The following SLC5A1 variants were observed in gnomAD, a reference collection of about 807,000 sequenced individuals.
The protein encoded by SLC5A1 is sodium/glucose cotransporter 1.
Under a neutral mutation model 73.5 loss-of-function variants are expected in SLC5A1, and 42 were observed. The ratio of observed to expected loss-of-function variants is 0.57; its 90% CI spans 0.45 to 0.74. SLC5A1 has a LOEUF of 0.74. Among genes scored for constraint, SLC5A1 ranks in the 30% least tolerant of loss-of-function variants. The pLI, the probability that SLC5A1 is intolerant of heterozygous loss-of-function variation, is 0.00. For synonymous variants in SLC5A1, 300 were observed against 317.4 expected (o/e 0.95, Z 0.58); for missense variants, 634 against 855.4 (o/e 0.74, Z 3.23).
At chr22:32,093,646 G>C (rs1278834991) in intron 11 of SLC5A1, among the ~76,000 whole-genome samples, 2 of 151,292 alleles carry the variant, frequency 1.3e-5, no homozygotes, top group African/African-American at 4.9e-5. Flanking sequence ...TCTCAGCTTG[G>C]TCACTGTTGA....
In SLC5A1 at chr22:32,043,984, G is replaced by A. The variant is rs2093933743; in HGVS notation, c.135+568G>A. On this transcript the variant is annotated intron_variant, in intron 1 of 14. Coordinates refer to ENST00000266088, the MANE Select transcript of SLC5A1 (RefSeq NM_000343.4). The surrounding 1 kb of genome is among the most constrained non-coding windows in gnomAD (Gnocchi z 6.5). ...AGGGGCTGGATCAAGTTAGAGATGA[G>A]AAAGATGGGTGGAAAAGGAGGAGGA... 6.6e-6 allele frequency among the ~76,000 whole-genome samples: 1 copy of A among 152,152 alleles called. No homozygotes were observed. Among genetic ancestry groups the A allele is most frequent in the Admixed American group, 6.5e-5 (1 of 15,282 alleles).
At chr22:32,050,331 G>C (rs2093943598) in intron 2 of SLC5A1, among the ~76,000 whole-genome samples, 1 of 152,188 alleles carries the variant, frequency 6.6e-6, no homozygotes, top group Non-Finnish European at 1.5e-5. Flanking sequence ...TATCACAGGG[G>C]TCAGAGGCTC....
chr22:32,055,512 A>G (rs2093950488), intron 2 of SLC5A1, among the ~76,000 whole-genome samples: 2 of 152,188 alleles, frequency 1.3e-5, no homozygotes, highest in Non-Finnish European at 2.9e-5. Flanking sequence ...TGAAAACATG[A>G]CACAGATGAG....
At chr22:32,080,403 T>G (rs1236706049) in intron 5 of SLC5A1, among the ~76,000 whole-genome samples, 1 of 152,072 alleles carries the variant, frequency 6.6e-6, no homozygotes, top group East Asian at 1.9e-4. Context: ...TGCTAACTGA[T>G]GGAGGGAGGG....
chr22:32,100,191 T>C (rs908157930), intron 12 of SLC5A1, among the ~76,000 whole-genome samples: 4 of 152,204 alleles, frequency 2.6e-5, no homozygotes, highest in African/African-American at 9.6e-5. Context: ...AGATGGAAGA[T>C]GTGGCTGGAA....
At chr22:32,048,059 T>C (rs2093939442) in intron 1 of SLC5A1, among the ~76,000 whole-genome samples, 1 of 149,136 alleles carries the variant, frequency 6.7e-6, no homozygotes, top group Non-Finnish European at 1.5e-5. Flanking sequence ...GGCTGAGGCA[T>C]GAGAATTGCT....
chr22:32,092,608 C>A (rs1280716221), intron 11 of SLC5A1, among the ~76,000 whole-genome samples: 2 of 152,254 alleles, frequency 1.3e-5, no homozygotes, highest in East Asian at 3.9e-4. Context: ...ACACCAATAT[C>A]TATTTTTTTT....
chr22:32,047,862 A>G (rs1482946960), intron 1 of SLC5A1, among the ~76,000 whole-genome samples: 1 of 152,218 alleles, frequency 6.6e-6, no homozygotes, highest in Admixed American at 6.5e-5. Context: ...GTGGTCACCT[A>G]TGAAAATGCA....
At chr22:32,109,858 A>G (rs993314861) in intron 14 of SLC5A1, 132 bp from the exon 15 acceptor site, 2 of 697,124 alleles carry the variant, frequency 2.9e-6, no homozygotes, top group African/African-American at 3.6e-5. Flanking sequence ...TATGGGGGAA[A>G]TTTGGGGAAA....
At chr22:32,102,891 A>G (rs2094038948) in intron 13 of SLC5A1, among the ~76,000 whole-genome samples, 1 of 152,210 alleles carries the variant, frequency 6.6e-6, no homozygotes. Flanking sequence ...ATGTTGTTGC[A>G]AATACAGGAT....
chr22:32,106,143 T>C (rs2094045292), intron 14 of SLC5A1, among the ~76,000 whole-genome samples: 1 of 152,188 alleles, frequency 6.6e-6, no homozygotes, highest in South Asian at 2.1e-4. Context: ...GTCTTTTTAG[T>C]TTTTTGAGGA....
intron 12 of SLC5A1, among the ~76,000 whole-genome samples, chr22:32,099,792 G>A (rs76599991): frequency 0.045 from 6,832 of 152,108 alleles, 207 homozygotes; most frequent in Non-Finnish European, 0.071. Context: ...TAGGTGAGTG[G>A]GAGAAAGTCC....
intron 5 of SLC5A1, among the ~76,000 whole-genome samples, chr22:32,072,596 A>T (rs1160718497): frequency 6.6e-6 from 1 of 152,244 alleles, no homozygotes; most frequent in Non-Finnish European, 1.5e-5. Context: ...TAAAAAATAT[A>T]ACCATTGTGC....
At chr22:32,095,608 C>CT (rs2094025016) in intron 11 of SLC5A1, among the ~76,000 whole-genome samples, 1 of 152,092 alleles carries the variant, frequency 6.6e-6, no homozygotes, top group Non-Finnish European at 1.5e-5. Context: ...TCCTCTTTGT[C>CT]TTTTTTAACT....
chr22:32,043,508 T>C lies in SLC5A1; in HGVS notation c.135+92T>C. 1 of 1,396,912 alleles carries C rather than the reference T, an allele frequency of 7.2e-7. No individual in the cohort carries two copies. The highest frequency in any genetic ancestry group is 1.0e-6 in the Non-Finnish European group (1 of 998,626). The allele number at this position is 1,396,912 out of a possible 1,614,324, so 86.5% of individuals were successfully genotyped here. On this transcript the variant is annotated intron_variant, in intron 1 of 14. Transcript: ENST00000266088. This position sits in a 1 kb window ranked among gnomAD's most constrained non-coding sequence, Gnocchi z 6.5. ...AGCTGCAAGGGGCAGTAGGCTTAAG[T>C]GTCGGTGGAGGGGAGAGGAAATGAC... is the stretch of plus-strand genomic sequence containing the variant.
Position 32,084,587 on chromosome 22 carries a change from G to A in SLC5A1, c.813G>A (p.Thr271=), listed in dbSNP as rs200849778. The A allele has an allele frequency of 1.6e-5, 26 of 1,614,186 alleles. No homozygotes were observed. Among genetic ancestry groups the A allele is most frequent in the Middle Eastern group, 1.6e-4 (1 of 6,062 alleles). The change falls in exon 8 of 15, where the codon ACG becomes ACA. Residue 271 remains threonine, a synonymous_variant. Coordinates refer to ENST00000266088, the MANE Select transcript of SLC5A1 (RefSeq NM_000343.4). The part of the protein sequence containing the change: ...DSFHIFRDPL[T]GDLPWPGFIF... ...TCCACATCTTCCGAGATCCCCTCAC[G>A]GGAGACCTCCCATGGCCTGGGTTCA...
intron 1 of SLC5A1, among the ~76,000 whole-genome samples, chr22:32,045,735 A>T (rs1013092507): frequency 4.6e-5 from 7 of 152,104 alleles, no homozygotes; most frequent in Non-Finnish European, 1.0e-4. Flanking sequence ...TTTTTCTTTC[A>T]CCACCTATCA....
At chr22:32,052,958 C>G (rs1438058030) in intron 2 of SLC5A1, among the ~76,000 whole-genome samples, 1 of 152,208 alleles carries the variant, frequency 6.6e-6, no homozygotes, top group Non-Finnish European at 1.5e-5. Flanking sequence ...GGGTCTAAGT[C>G]AAAGCCTGCC....
chr22:32,109,779 A>G (rs928062087), intron 14 of SLC5A1, among the ~76,000 whole-genome samples: 2 of 152,266 alleles, frequency 1.3e-5, no homozygotes, highest in Non-Finnish European at 2.9e-5. Context: ...GGATGCAGAT[A>G]GTAAGACCAT....
Sources: allele counts gnomAD v4.1 joint callset (sites outside exome capture counted in the v4.1 genomes callset), GRCh38; gene constraint gnomAD v4.1.1; non-coding constraint Gnocchi (gnomAD v3.1); transcripts MANE v1.5; gene names NCBI Gene and HGNC (gene_info 2026-07-23, HGNC 2026-07-21).